Variants in RIT2 observed in about 807,000 individuals in gnomAD.
RIT2 encodes the protein Ras like without CAAX 2, also known as GTP-binding protein Rit2.
Under a neutral mutation model 23.7 loss-of-function variants are expected in RIT2, and 24 were observed. The observed-to-expected ratio is 1.01, with a 90% confidence interval of 0.73 to 1.43. The LOEUF is 1.43. RIT2 is among the 40% of genes most tolerant of loss of function. The pLI, the probability that RIT2 is intolerant of heterozygous loss-of-function variation, is 0.00. For synonymous variants in RIT2, 107 were observed against 91.1 expected (o/e 1.17, Z -0.99); for missense variants, 236 against 266.9 (o/e 0.88, Z 0.81).
chr18:42,876,493 T>C (rs1440830762), intron 4 of RIT2, among the ~76,000 whole-genome samples: 1 of 151,894 alleles, frequency 6.6e-6, no homozygotes, highest in Non-Finnish European at 1.5e-5. Context: ...GTTTTCAATT[T>C]CATGCCTCTT....
intron 2 of RIT2, among the ~76,000 whole-genome samples, chr18:43,025,625 CAT>C (rs374308475): frequency 9.5e-4 from 144 of 151,506 alleles, no homozygotes; most frequent in African/African-American, 3.3e-3. Context: ...CACACACACA[CAT>C]ATATATATAT....
chr18:42,935,323 A>AC (rs1909427404), intron 3 of RIT2, among the ~76,000 whole-genome samples: 1 of 152,160 alleles, frequency 6.6e-6, no homozygotes. Flanking sequence ...GAATGAACGA[A>AC]CAAGGACACT....
At chr18:43,018,256 T>C (rs977295796) in intron 2 of RIT2, among the ~76,000 whole-genome samples, 8 of 152,030 alleles carry the variant, frequency 5.3e-5, no homozygotes, top group African/African-American at 1.9e-4. Flanking sequence ...CAGAGGGCAA[T>C]TGACTGTGAC....
intron 2 of RIT2, among the ~76,000 whole-genome samples, chr18:43,024,584 C>T (rs776261349): frequency 1.4e-4 from 21 of 151,938 alleles, no homozygotes; most frequent in Non-Finnish European, 2.4e-4. Flanking sequence ...AAACTAAAAA[C>T]CTTGAGCACA....
intron 2 of RIT2, among the ~76,000 whole-genome samples, chr18:43,014,186 C>T (rs548491141): frequency 2.0e-5 from 3 of 151,842 alleles, no homozygotes; most frequent in Non-Finnish European, 4.4e-5. Flanking sequence ...AAGCAAAGCA[C>T]AGAGAATTGA....
chr18:42,909,580 G>A (rs1360201871), intron 4 of RIT2, among the ~76,000 whole-genome samples: 2 of 151,432 alleles, frequency 1.3e-5, no homozygotes, highest in African/African-American at 2.4e-5. Context: ...TTTCTCAGGT[G>A]ACAGTTCCAA....
chr18:42,964,141 A>C (rs1254341833), intron 3 of RIT2, among the ~76,000 whole-genome samples: 1 of 152,152 alleles, frequency 6.6e-6, no homozygotes, highest in East Asian at 1.9e-4. Flanking sequence ...CAGCGAGCCG[A>C]GATTGTGCCA....
chr18:43,068,137 T>C (rs1188226684), intron 1 of RIT2, among the ~76,000 whole-genome samples: 1 of 152,156 alleles, frequency 6.6e-6, no homozygotes, highest in Non-Finnish European at 1.5e-5. Context: ...TGAGGATGTA[T>C]AAGATAGCTA....
chr18:42,989,197 G>A (rs890720906), intron 2 of RIT2, among the ~76,000 whole-genome samples: 3 of 152,110 alleles, frequency 2.0e-5, no homozygotes, highest in Non-Finnish European at 4.4e-5. Context: ...TTTTGTTTCT[G>A]TTCTTGTTTT....
At chr18:42,816,853 C>T (rs1047811179) in intron 4 of RIT2, among the ~76,000 whole-genome samples, 1 of 152,106 alleles carries the variant, frequency 6.6e-6, no homozygotes, top group African/African-American at 2.4e-5. Context: ...GGTTCCACTG[C>T]TTACTGTGCA....
rs544274071 is a variant in RIT2, at chr18:42,763,662, A to G, written c.427-19942T>C. ...CAAAGTATATTTTTCTTTCTTTAAT[A>G]TTAAATTAATCTCAGCTGACTGTAA... On this transcript the variant is annotated intron_variant, in intron 4 of 4. Coordinates refer to ENST00000326695, the MANE Select transcript of RIT2 (RefSeq NM_002930.4). 1.5e-4 allele frequency among the ~76,000 whole-genome samples: 23 copies of G among 152,234 alleles called. No individual in the cohort carries two copies. In the South Asian group the frequency reaches 4.8e-3, roughly 32 times the overall value.
chr18:43,056,884 C>T (rs1031991726), intron 1 of RIT2, among the ~76,000 whole-genome samples: 1 of 152,038 alleles, frequency 6.6e-6, no homozygotes, highest in African/African-American at 2.4e-5. Flanking sequence ...AAGCAAACTG[C>T]CTGCTTCCTT....
chr18:43,024,872 A>C (rs7234203), intron 2 of RIT2, among the ~76,000 whole-genome samples: 7,717 of 152,148 alleles, frequency 0.051, 653 homozygotes, highest in African/African-American at 0.17. Context: ...GCAAATTAGA[A>C]CAATGAGAAA....
At chr18:42,800,533 T>TC (rs1384116653) in intron 4 of RIT2, among the ~76,000 whole-genome samples, 1 of 149,724 alleles carries the variant, frequency 6.7e-6, no homozygotes, top group Non-Finnish European at 1.5e-5. Context: ...TTTTTTTTTT[T>TC]TTTCTTTTAG....
chr18:43,024,098 G>A (rs965480384), intron 2 of RIT2, among the ~76,000 whole-genome samples: 1 of 152,016 alleles, frequency 6.6e-6, no homozygotes, highest in Non-Finnish European at 1.5e-5. Context: ...TTTATAGGCC[G>A]TTGTCAGTTA....
intron 4 of RIT2, among the ~76,000 whole-genome samples, chr18:42,747,652 C>T (rs1295971028): frequency 3.9e-5 from 6 of 151,944 alleles, no homozygotes; most frequent in Admixed American, 2.0e-4. Flanking sequence ...TACTATAAGG[C>T]TGTAGTCACC....
At chr18:42,966,168 C>G (rs17716228) in intron 3 of RIT2, among the ~76,000 whole-genome samples, 6,229 of 152,180 alleles carry the variant, frequency 0.041, 178 homozygotes, top group South Asian at 0.067. Flanking sequence ...TGTAAATTGA[C>G]TTCAGAGTTT....
chr18:42,947,468 C>T (rs1257680469), intron 3 of RIT2, among the ~76,000 whole-genome samples: 1 of 152,060 alleles, frequency 6.6e-6, no homozygotes, highest in Admixed American at 6.6e-5. Flanking sequence ...CAGTGTTTTG[C>T]TTTGGATTTC....
chr18:42,814,449 C>T (rs111914248), intron 4 of RIT2, among the ~76,000 whole-genome samples: 5,275 of 152,162 alleles, frequency 0.035, 308 homozygotes, highest in African/African-American at 0.12. Flanking sequence ...TGCCGGCTTT[C>T]CCCCACTTCC....
Sources: gnomAD v4.1 joint callset for allele counts (sites outside exome capture counted in the v4.1 genomes callset) on GRCh38, gnomAD v4.1.1 for gene constraint, MANE v1.5 for transcripts, NCBI Gene and HGNC (gene_info 2026-07-23, HGNC 2026-07-21) for gene names.